PUS7: variants seen among roughly 807,000 people sequenced by gnomAD.
PUS7 encodes pseudouridylate synthase 7 homolog.
In PUS7, 48 loss-of-function variants were observed where a neutral mutation model predicts 79.8. That is an observed-to-expected ratio of 0.60 (90% CI 0.48 to 0.76). The LOEUF (loss-of-function observed/expected upper bound fraction) is 0.76, where lower values mean the gene tolerates loss of function less well. PUS7 is among the 30% of genes least tolerant of loss of function. The pLI is 0.00. For missense variants in PUS7, 729 were observed against 797.6 expected, an observed-to-expected ratio of 0.91 and a Z score of 1.04; for synonymous variants, 286 against 272.2, an observed-to-expected ratio of 1.05 and a Z score of -0.50.
intron 9 of PUS7, 95 bp downstream of exon 9, chr7:105,480,957 T>C (rs368369199): frequency 7.2e-7 from 1 of 1,383,174 alleles, no homozygotes; most frequent in Non-Finnish European, 9.8e-7. Context: ...GCCCCAGACA[T>C]GGGAGAACGT....
At position 105,508,173 on chromosome 7, in the gene PUS7, C is replaced by T. The variant is rs772351203; in HGVS notation, c.340G>A (p.Val114Ile). 38 of 1,614,070 alleles carry T rather than the reference C, an allele frequency of 2.4e-5. No individual in the cohort carries two copies. Among genetic ancestry groups the T allele is most frequent in the Non-Finnish European group, 3.0e-5 (35 of 1,180,054 alleles). Reference protein sequence around the residue: ...MMKHGLTEADVGITKFVSSHQ... With the variant: ...MMKHGLTEADIGITKFVSSHQ... ...GAACTCACAAACTTGGTGATGCCTA[C>T]GTCAGCCTCAGTGAGTCCATGCTTC... Residue 114 changes from valine to isoleucine, a missense_variant, in exon 2 of 16, where the codon GTA becomes ATA. By Grantham distance (29) the Val-to-Ile change is conservative. Coordinates refer to ENST00000469408, the MANE Select transcript of PUS7 (RefSeq NM_019042.5).
intron 1 of PUS7, among the ~76,000 whole-genome samples, chr7:105,512,796 A>G (rs1429315389): frequency 6.6e-6 from 1 of 152,218 alleles, no homozygotes; most frequent in Admixed American, 6.5e-5. Flanking sequence ...AGGCTGGAAG[A>G]CCAGGTAAGA....
chr7:105,511,878 G>A (rs1393791773), intron 1 of PUS7, among the ~76,000 whole-genome samples: 2 of 151,980 alleles, frequency 1.3e-5, no homozygotes, highest in Non-Finnish European at 2.9e-5. Context: ...TGGTGCAGTG[G>A]CTCACGCCTG....
Position 105,465,359 on chromosome 7 carries a change from C to A in PUS7, c.1581G>T (p.Val527=). 6.2e-7 allele frequency: 1 copy of A among 1,613,764 alleles called. No homozygotes were observed. The highest frequency in any genetic ancestry group is 1.1e-5 in the South Asian group (1 of 91,062). The change falls in exon 13 of 16, where the codon GTG becomes GTT. Residue 527 remains valine, a synonymous_variant. Coordinates refer to ENST00000469408, the MANE Select transcript of PUS7 (RefSeq NM_019042.5). ...DDVNNYSIHD[V]VMPLPGFDVI... ...CATCGAAACCAGGCAAGGGCATTAC[C>A]ACATCATGGATAGAGTAATTATTAA...
intron 1 of PUS7, among the ~76,000 whole-genome samples, chr7:105,514,736 A>C (rs1825827504): frequency 6.6e-6 from 1 of 152,178 alleles, no homozygotes; most frequent in Admixed American, 6.5e-5. Flanking sequence ...TGTTTTTCAG[A>C]TTACAGATTA....
chr7:105,465,248 G>GC, intron 13 of PUS7, 65 bp downstream of exon 13: 1 of 1,193,658 alleles, frequency 8.4e-7, no homozygotes, highest in South Asian at 1.3e-5. Context: ...GTTTATATAT[G>GC]CTTGAAATAG....
chr7:105,482,443 TTAA>T lies in PUS7; in HGVS notation c.921-6_921-4del. 2 of 1,553,482 alleles carry T rather than the reference TTAA, an allele frequency of 1.3e-6. No individual in the cohort carries two copies. Among genetic ancestry groups the T allele is most frequent in the African/African-American group, 1.5e-5 (1 of 65,026 alleles). ...GGGCAAGTCTTTGTGCAGTTATTCT[TTAA>T]AAAAAAAAAAAAAAGCAACAAAACA... On this transcript the variant is annotated splice_region_variant and splice_polypyrimidine_tract_variant and intron_variant, in intron 7 of 15. Transcript: ENST00000469408.
chr7:105,502,975 C>A (rs1322705199), intron 4 of PUS7, among the ~76,000 whole-genome samples: 1 of 152,190 alleles, frequency 6.6e-6, no homozygotes, highest in African/African-American at 2.4e-5. Context: ...GCTGAGATTA[C>A]AGGCGTGAGC....
intron 1 of PUS7, among the ~76,000 whole-genome samples, chr7:105,511,933 C>G (rs1825717798): frequency 6.6e-6 from 1 of 151,922 alleles, no homozygotes; most frequent in Non-Finnish European, 1.5e-5. Flanking sequence ...ATCACAAGGT[C>G]AGGAGTTCGA....
intron 1 of PUS7, among the ~76,000 whole-genome samples, chr7:105,511,870 G>A (rs1825715568): frequency 6.6e-6 from 1 of 152,024 alleles, no homozygotes; most frequent in Non-Finnish European, 1.5e-5. Flanking sequence ...TGGCGGCCTG[G>A]TGCAGTGGCT....
chr7:105,497,059 C>G (rs930150467), intron 5 of PUS7: 1 of 1,019,130 alleles, frequency 9.8e-7, no homozygotes, highest in Non-Finnish European at 1.2e-6. Flanking sequence ...TGCAAATGAT[C>G]GCATGGTTAA....
intron 1 of PUS7, among the ~76,000 whole-genome samples, chr7:105,513,864 G>A (rs1313343228): frequency 7.0e-6 from 1 of 142,754 alleles, no homozygotes; most frequent in African/African-American, 2.5e-5. Flanking sequence ...TAGTTATTAT[G>A]GATGATTTAC....
chr7:105,483,801 T>C (rs1824430614), intron 7 of PUS7, among the ~76,000 whole-genome samples: 1 of 152,148 alleles, frequency 6.6e-6, no homozygotes, highest in Non-Finnish European at 1.5e-5. Flanking sequence ...TGGCCATCTT[T>C]TTGTTTTTTA....
intron 1 of PUS7, among the ~76,000 whole-genome samples, chr7:105,513,037 G>T (rs1207265022): frequency 2.0e-5 from 3 of 152,194 alleles, no homozygotes; most frequent in Non-Finnish European, 1.5e-5. Context: ...AGAAAGAAGA[G>T]CAGGTGTTGG....
intron 9 of PUS7, among the ~76,000 whole-genome samples, chr7:105,476,635 C>T (rs371734013): frequency 2.0e-4 from 30 of 152,256 alleles, no homozygotes; most frequent in Admixed American, 1.3e-3. Flanking sequence ...GGATTACAGG[C>T]GTGAGTCACT....
chr7:105,489,922 C>T (rs973245773), intron 7 of PUS7, among the ~76,000 whole-genome samples: 8 of 151,982 alleles, frequency 5.3e-5, no homozygotes, highest in Non-Finnish European at 8.8e-5. Context: ...AGTTCAAGAC[C>T]AGCCTGGCCA....
At position 105,462,445 on chromosome 7, in the gene PUS7, A is replaced by T. The variant is rs866475574; in HGVS notation, c.1757+176T>A. The T allele has an allele frequency of 3.3e-5, 24 of 723,544 alleles. No individual in the cohort carries two copies. In the Middle Eastern group the frequency reaches 1.1e-3, roughly 35 times the overall value. 44.8% of individuals were successfully genotyped at this position (723,544 alleles called of 1,614,324 possible). ...AACTCCGTCTCAAAAAAAAACCAAA[A>T]AAAAAACAAAAGGTAAGTAAAAATA... On this transcript the variant is annotated intron_variant, in intron 14 of 15. Coordinates refer to ENST00000469408, the MANE Select transcript of PUS7 (RefSeq NM_019042.5).
Position 105,482,513 on chromosome 7 carries a change from T to C in PUS7, c.921-73A>G, listed in dbSNP as rs818468. On this transcript the variant is annotated intron_variant, in intron 7 of 15. Transcript: ENST00000469408. ...GGATCATGAGATACTGATTGTCTGCTTGGAACAGTACAGAAAACAAGATAC... is the reference window on the plus strand; with the variant it reads ...GGATCATGAGATACTGATTGTCTGCCTGGAACAGTACAGAAAACAAGATAC... 0.29 allele frequency: 417,474 copies of C among 1,463,106 alleles called. 62,455 individuals carry two copies. Among genetic ancestry groups the C allele is most frequent in the African/African-American group, 0.48 (33,805 of 70,152 alleles). The allele number at this position is 1,463,106 out of a possible 1,614,324, so 90.6% of individuals were successfully genotyped here.
chr7:105,480,146 T>C (rs1471283832), intron 9 of PUS7, among the ~76,000 whole-genome samples: 1 of 152,206 alleles, frequency 6.6e-6, no homozygotes, highest in Non-Finnish European at 1.5e-5. Flanking sequence ...TTGAATCACT[T>C]ACTGAGCCAA....
Sources: gnomAD v4.1 joint callset for allele counts (sites outside exome capture counted in the v4.1 genomes callset) on GRCh38, gnomAD v4.1.1 for gene constraint, MANE v1.5 for transcripts, NCBI Gene and HGNC (gene_info 2026-07-23, HGNC 2026-07-21) for gene names.